Variants in TRIM36 observed in about 807,000 individuals in gnomAD.
The protein encoded by TRIM36 is tripartite motif containing 36.
Under a neutral mutation model 72.4 loss-of-function variants are expected in TRIM36, and 42 were observed. That is an observed-to-expected ratio of 0.58 (90% CI 0.45 to 0.75). The LOEUF (loss-of-function observed/expected upper bound fraction) is 0.75, where lower values mean the gene tolerates loss of function less well. TRIM36 is among the 30% of genes least tolerant of loss of function. The pLI is 0.00. For synonymous variants in TRIM36, 315 were observed against 282.8 expected (o/e 1.11, Z -1.14); for missense variants, 913 against 857.1 (o/e 1.07, Z -0.81).
At chr5:115,169,950 C>T (rs1250799324), upstream of TRIM36, 1 of 1,222,120 alleles carries the variant, frequency 8.2e-7, no homozygotes, top group Non-Finnish European at 1.0e-6. Context: ...CGGGGCACCG[C>T]GGGGCGTGGA....
At chr5:115,167,967 C>A (rs1440953549) in intron 1 of TRIM36, among the ~76,000 whole-genome samples, 2 of 152,186 alleles carry the variant, frequency 1.3e-5, no homozygotes, top group East Asian at 1.9e-4. Context: ...GAAGCAAGCA[C>A]GTTTTACATG....
chr5:115,159,108 G>T (rs924210893), intron 2 of TRIM36, among the ~76,000 whole-genome samples: 1 of 152,140 alleles, frequency 6.6e-6, no homozygotes, highest in Non-Finnish European at 1.5e-5. Flanking sequence ...TCTAATAAAG[G>T]AGTGTACATT....
In TRIM36 at chr5:115,143,653, T is replaced by C. The variant is rs935962892; in HGVS notation, c.735+945A>G. 9.4e-5 allele frequency among the ~76,000 whole-genome samples: 14 copies of C among 149,352 alleles called. No homozygotes were observed. In the East Asian group the frequency reaches 1.4e-3, roughly 14 times the overall value. On this transcript the variant is annotated intron_variant, in intron 4 of 9. Transcript: ENST00000513154. Reference sequence around the variant, plus strand: ...AACACAAAAGTTTGCATATATGCAATTAGACAGAGGCAAAAAAATGCATAC... The same window carrying C: ...AACACAAAAGTTTGCATATATGCAACTAGACAGAGGCAAAAAAATGCATAC...
At chr5:115,168,364 A>G (rs1754904903) in intron 1 of TRIM36, among the ~76,000 whole-genome samples, 1 of 152,208 alleles carries the variant, frequency 6.6e-6, no homozygotes. Flanking sequence ...TGTATCCCAG[A>G]CTTCATATCT....
intron 2 of TRIM36, among the ~76,000 whole-genome samples, chr5:115,157,594 C>A (rs565433502): frequency 1.5e-4 from 23 of 152,004 alleles, no homozygotes; most frequent in Non-Finnish European, 2.8e-4. Flanking sequence ...GTGGAACTAC[C>A]ATTTGATCCA....
chr5:115,169,876 C>G lies in TRIM36; in HGVS notation c.-242G>C. The stretch of plus-strand genomic sequence containing the variant: ...CGACTACCCCGGGAATCCCGCCCAG[C>G]TGCCGGCTGCAGCAGCGGCTCCTGC... On this transcript the variant is annotated 5_prime_UTR_variant, in exon 1 of 10. Transcript: ENST00000513154. The G allele has an allele frequency of 1.1e-5, 15 of 1,304,926 alleles. No individual in the cohort carries two copies. The highest frequency in any genetic ancestry group is 3.9e-5 in the Admixed American group (1 of 25,794). The allele number at this position is 1,304,926 out of a possible 1,614,324, so 80.8% of individuals were successfully genotyped here. A position where few individuals can be genotyped will look rare whatever the true frequency, so the allele number is the denominator to read the frequency against.
At position 115,169,811 on chromosome 5, in the gene TRIM36, G is replaced by A; in HGVS notation, c.-177C>T. On this transcript the variant is annotated 5_prime_UTR_variant, in exon 1 of 10. Transcript: ENST00000513154. ...CGCGGGGAGAAGTAAGCCGGGGCAG[G>A]CAAAAGCACAGGCGCGGGAGAAGCG... The A allele has an allele frequency of 7.6e-7, 1 of 1,318,014 alleles. No homozygotes were observed. Among genetic ancestry groups the A allele is most frequent in the South Asian group, 2.0e-5 (1 of 50,062 alleles). The allele number at this position is 1,318,014 out of a possible 1,614,324, so 81.6% of individuals were successfully genotyped here. A position where few individuals can be genotyped will look rare whatever the true frequency, so the allele number is the denominator to read the frequency against.
At chr5:115,170,330 C>A (rs992957363), upstream of TRIM36, among the ~76,000 whole-genome samples, 4 of 152,224 alleles carry the variant, frequency 2.6e-5, no homozygotes, top group Non-Finnish European at 5.9e-5. Flanking sequence ...TGCCATTCCG[C>A]CCTTCAGTTT....
chr5:115,179,549 C>T (rs991986914), intron 1 of TRIM36, among the ~76,000 whole-genome samples: 8 of 152,256 alleles, frequency 5.3e-5, no homozygotes, highest in African/African-American at 1.9e-4. Flanking sequence ...CCTGTTCACT[C>T]GCTGGGCGGA....
At chr5:115,175,659 A>T (rs1440350149) in intron 1 of TRIM36, among the ~76,000 whole-genome samples, 13 of 149,688 alleles carry the variant, frequency 8.7e-5, no homozygotes, top group Non-Finnish European at 1.6e-4. Flanking sequence ...TTTTTTTTTC[A>T]AATTATCTTT....
intron 2 of TRIM36, among the ~76,000 whole-genome samples, chr5:115,151,621 A>G (rs1753901102): frequency 6.6e-6 from 1 of 152,216 alleles, no homozygotes; most frequent in African/African-American, 2.4e-5. Context: ...AGCCTCAAAG[A>G]GTCCATTTCA....
chr5:115,126,737 AG>A lies in TRIM36; in HGVS notation c.1916del (p.Ser639PhefsTer27). ...GAACTCTATTTTCAGGTTCATTAGA[AG>A]AAGTAGGTGACTTGGGTATAAAAAA... The part of the protein sequence containing the change: ...QKFFIPKSPT[S>X]SNEPENRVLP... On this transcript the variant is annotated frameshift_variant, in exon 10 of 10. Transcript: ENST00000513154. LOFTEE classifies it high-confidence loss of function. 6.2e-7 allele frequency: 1 copy of A among 1,614,192 alleles called. No homozygotes were observed. Among genetic ancestry groups the A allele is most frequent in the Non-Finnish European group, 8.5e-7 (1 of 1,180,044 alleles).
In TRIM36 at chr5:115,132,580, A is replaced by T. The variant is rs1041364861; in HGVS notation, c.1498+1280T>A. Among the ~76,000 whole-genome samples the T allele has an allele frequency of 2.6e-5, 4 of 151,702 alleles. No individual in the cohort carries two copies. The East Asian group carries it at 5.8e-4, about 22-fold the overall frequency. ...AAAAAAAAAAAAAAAGACTGCTAGC[A>T]AACTACAGCCATTACCCACGTGTGA... On this transcript the variant is annotated intron_variant, in intron 8 of 9. Coordinates refer to ENST00000513154, the MANE Select transcript of TRIM36 (RefSeq NM_001300759.2).
intron 2 of TRIM36, 38 bp downstream of exon 2, chr5:115,163,480 C>A (rs1174109673): frequency 1.5e-5 from 23 of 1,551,462 alleles, no homozygotes; most frequent in Non-Finnish European, 2.0e-5. Context: ...TATAAGCTTA[C>A]CCCCACTACC....
intron 5 of TRIM36, 130 bp from the exon 6 acceptor site, chr5:115,137,746 T>G (rs1312655379): frequency 7.2e-6 from 8 of 1,109,152 alleles, no homozygotes; most frequent in Non-Finnish European, 9.8e-6. Flanking sequence ...ATTATCAAAA[T>G]TTGATAAAAC....
exon 1 of TRIM36, chr5:115,180,021 T>C (rs1242363435): frequency 6.2e-7 from 1 of 1,613,912 alleles, no homozygotes; most frequent in African/African-American, 1.3e-5. Context: ...TTCACTCATC[T>C]CCCCAGACTC....
At chr5:115,150,125 A>G (rs939078296) in intron 2 of TRIM36, among the ~76,000 whole-genome samples, 5 of 152,152 alleles carry the variant, frequency 3.3e-5, no homozygotes, top group African/African-American at 1.2e-4. Context: ...TATTTCTTTC[A>G]TTGTTTTCAT....
At chr5:115,151,632 C>A (rs1238787358) in intron 2 of TRIM36, among the ~76,000 whole-genome samples, 1 of 152,246 alleles carries the variant, frequency 6.6e-6, no homozygotes, top group Non-Finnish European at 1.5e-5. Flanking sequence ...GTCCATTTCA[C>A]TGCCTGCCAC....
At chr5:115,165,333 T>A (rs2126936062) in intron 1 of TRIM36, among the ~76,000 whole-genome samples, 1 of 152,342 alleles carries the variant, frequency 6.6e-6, no homozygotes, top group Non-Finnish European at 1.5e-5. Context: ...GCAGAGGTTC[T>A]CCATGAGAGC....
Sources: gnomAD v4.1 joint callset for allele counts (sites outside exome capture counted in the v4.1 genomes callset) on GRCh38, gnomAD v4.1.1 for gene constraint, MANE v1.5 for transcripts, NCBI Gene and HGNC (gene_info 2026-07-23, HGNC 2026-07-21) for gene names.